The following LAMA1 variants were observed in gnomAD, a reference collection of about 807,000 sequenced individuals.
LAMA1 encodes laminin subunit alpha 1.
In LAMA1, 219 loss-of-function variants were observed where a neutral mutation model predicts 348.7. That is an observed-to-expected ratio of 0.63 (90% CI 0.56 to 0.70). LAMA1 has a LOEUF of 0.70. LAMA1 is among the 30% of genes least tolerant of loss of function. LAMA1 has a pLI of 0.00. For missense variants in LAMA1, 3,744 were observed against 3,888.0 expected, an observed-to-expected ratio of 0.96 and a Z score of 0.99; for synonymous variants, 1,487 against 1,491.0, an observed-to-expected ratio of 1.00 and a Z score of 0.06.
rs753394467 is a variant in LAMA1, at chr18:7,012,002, C to A, written c.3500G>T (p.Arg1167Met). The part of the protein sequence containing the change: ...HLCSELEDYV[R>M]TPVTLGSDQP... The stretch of plus-strand genomic sequence containing the variant: ...TCGCTGTGTGTGACTTACTGGGGTC[C>A]TCACGTAGTCCTCCAGCTCTGAGCA... Residue 1167 changes from arginine to methionine, a missense_variant, in exon 24 of 63, where the codon AGG (arginine) becomes ATG (methionine). This residue lies in a region of LAMA1 where 1,529 missense variants were observed against 1,689.4 expected (regional missense o/e 0.91). Transcript: ENST00000389658. 1.2e-6 allele frequency: 2 copies of A among 1,605,414 alleles called. No homozygotes were observed. The highest frequency in any genetic ancestry group is 1.7e-6 in the Non-Finnish European group (2 of 1,175,392).
intron 1 of LAMA1, among the ~76,000 whole-genome samples, chr18:7,107,118 C>T (rs2058315006): frequency 8.9e-6 from 1 of 112,456 alleles, no homozygotes; most frequent in South Asian, 3.2e-4. Flanking sequence ...ATGGAGAAAA[C>T]TCCTTTTTTT....
intron 3 of LAMA1, among the ~76,000 whole-genome samples, chr18:7,061,197 A>G (rs1040503597): frequency 4.6e-5 from 7 of 152,180 alleles, no homozygotes; most frequent in Non-Finnish European, 1.0e-4. Flanking sequence ...TTATCTAAGA[A>G]ACAGAACAGA....
At chr18:6,969,807 A>C (rs1392530848) in intron 48 of LAMA1, among the ~76,000 whole-genome samples, 1 of 152,154 alleles carries the variant, frequency 6.6e-6, no homozygotes, top group Non-Finnish European at 1.5e-5. Context: ...AGGGGAACAA[A>C]ACATGTGACC....
chr18:6,990,004 T>C (rs540514580), intron 36 of LAMA1, among the ~76,000 whole-genome samples: 141 of 152,356 alleles, frequency 9.3e-4, no homozygotes, highest in Middle Eastern at 3.4e-3. Flanking sequence ...TCAATTTTGC[T>C]AGAAGAAGCT....
intron 36 of LAMA1, among the ~76,000 whole-genome samples, chr18:6,987,691 C>T (rs1424690009): frequency 6.6e-6 from 1 of 152,156 alleles, no homozygotes; most frequent in Non-Finnish European, 1.5e-5. Context: ...TCAGCTTTCA[C>T]AGGTGTCAGG....
intron 19 of LAMA1, among the ~76,000 whole-genome samples, chr18:7,020,286 G>C (rs1032560215): frequency 6.6e-6 from 1 of 152,112 alleles, no homozygotes; most frequent in Non-Finnish European, 1.5e-5. Context: ...TGAACCTGAC[G>C]ATCAGTTTCT....
chr18:7,028,348 G>C (rs2144152657), intron 16 of LAMA1, among the ~76,000 whole-genome samples: 1 of 152,314 alleles, frequency 6.6e-6, no homozygotes, highest in Admixed American at 6.5e-5. Context: ...CACAGTCAAA[G>C]TGTTCAAACC....
At position 7,011,359 on chromosome 18, in the gene LAMA1, G is replaced by A. The variant is rs1340086760; in HGVS notation, c.3628C>T (p.Gln1210Ter). ...TAAAACGGCTCTGCACGGATGTGCT[G>A]CCGGACGGTGGCGGCATCCAGCAGG... ...DFLLDAATVR[Q>*]HIRAEPFYWR... Residue 1210 changes from glutamine (Q) to a stop codon, truncating the protein, a stop_gained, in exon 25 of 63, where the codon CAG becomes TAG. Transcript: ENST00000389658. LOFTEE classifies it high-confidence loss of function. 6.2e-7 allele frequency: 1 copy of A among 1,612,242 alleles called. No individual in the cohort carries two copies. The highest frequency in any genetic ancestry group is 1.7e-5 in the Admixed American group (1 of 59,868).
chr18:7,022,322 G>A (rs1429755800), intron 19 of LAMA1, among the ~76,000 whole-genome samples: 2 of 152,182 alleles, frequency 1.3e-5, no homozygotes, highest in Non-Finnish European at 2.9e-5. Flanking sequence ...TCTACAAATC[G>A]TGAAGCCTTG....
Position 7,036,088 on chromosome 18 carries a change from G to C in LAMA1, c.1738C>G (p.Leu580Val), listed in dbSNP as rs768857766. ...AAPEAYLGNK[L>V]TAFGGFLKYT... ...TTCAGGAATCCGCCAAACGCAGTCA[G>C]CTGAAATGTTTAAGCGAGAATGAAC... The change falls in exon 13 of 63, where the codon CTG becomes GTG. Residue 580 changes from leucine (L) to valine (V), a missense_variant and splice_region_variant. By Grantham distance (32) the Leu-to-Val change is conservative (BLOSUM62 1). This residue lies in a region of LAMA1 where 1,529 missense variants were observed against 1,689.4 expected (regional missense o/e 0.91). Transcript: ENST00000389658. 1 of 1,610,638 alleles carries C rather than the reference G, an allele frequency of 6.2e-7. No individual in the cohort carries two copies. The highest frequency in any genetic ancestry group is 2.2e-5 in the East Asian group (1 of 44,872).
chr18:6,949,102 T>A lies in LAMA1; in HGVS notation c.8555A>T (p.Asn2852Ile). ...GTCAGTATGGAAAATGCTGCTTACA[T>A]TTCCAATTTTCCTGGCCTGGTACTG... ...PSQYQARKIGNITHSIPACIG... is the reference protein window; with the variant it reads ...PSQYQARKIGIITHSIPACIG... Residue 2852 changes from asparagine to isoleucine, a missense_variant and splice_region_variant, in exon 59 of 63, where the codon AAT (asparagine) becomes ATT (isoleucine). Physicochemically the swap from Asn to Ile is moderately radical, Grantham distance 149 (BLOSUM62 -3). Transcript: ENST00000389658. The A allele has an allele frequency of 6.2e-7, 1 of 1,614,162 alleles. No homozygotes were observed. The highest frequency in any genetic ancestry group is 1.1e-5 in the South Asian group (1 of 91,084).
intron 18 of LAMA1, 57 bp downstream of exon 18, chr18:7,024,323 C>A: frequency 7.5e-7 from 1 of 1,341,872 alleles, no homozygotes; most frequent in Non-Finnish European, 1.1e-6. Context: ...TAAAAATAAA[C>A]ACATAGAATT....
chr18:6,960,881 C>T (rs1475543949), intron 53 of LAMA1, among the ~76,000 whole-genome samples: 1 of 150,054 alleles, frequency 6.7e-6, no homozygotes, highest in Admixed American at 6.6e-5. Context: ...AGCAGCATTC[C>T]CCTTGCAGCA....
chr18:7,007,414 T>A, intron 28 of LAMA1, 138 bp from the exon 29 acceptor site: 3 of 792,224 alleles, frequency 3.8e-6, no homozygotes, highest in Non-Finnish European at 3.9e-6. Flanking sequence ...ATCAGAGAAA[T>A]GCAAATGAAA....
intron 1 of LAMA1, among the ~76,000 whole-genome samples, chr18:7,093,899 G>A (rs368583644): frequency 1.1e-4 from 17 of 151,392 alleles, no homozygotes; most frequent in South Asian, 6.3e-4. Flanking sequence ...TTCAGCCTCC[G>A]GGAGTAGCTG....
At chr18:6,986,689 A>G (rs2057737149) in intron 36 of LAMA1, among the ~76,000 whole-genome samples, 6 of 151,948 alleles carry the variant, frequency 3.9e-5, no homozygotes, top group Admixed American at 3.9e-4. Flanking sequence ...GTGATCTTTC[A>G]TCTCATGTGT....
chr18:7,009,352 A>G lies in LAMA1; in HGVS notation c.3888T>C (p.Tyr1296=), dbSNP rs528584765. The G allele has an allele frequency of 1.2e-6, 2 of 1,614,172 alleles. No homozygotes were observed. Among genetic ancestry groups the G allele is most frequent in the East Asian group, 4.5e-5 (2 of 44,866 alleles). Reference sequence around the variant, plus strand: ...CAGGTTTTTCAGAAACAGAGTTAAAATATTTCCAAAAATTCTGTAGAATGA... The same window carrying G: ...CAGGTTTTTCAGAAACAGAGTTAAAGTATTTCCAAAAATTCTGTAGAATGA... The part of the protein sequence containing the change: ...EVAMRENFWK[Y]FNSVSEKPVT... The change falls in exon 27 of 63, where the codon TAT becomes TAC. Residue 1296 remains tyrosine (Y), a synonymous_variant. Transcript: ENST00000389658.
intron 9 of LAMA1, 42 bp from the exon 10 acceptor site, chr18:7,040,278 AG>A (rs770505497): frequency 5.9e-5 from 95 of 1,607,750 alleles, no homozygotes; most frequent in Non-Finnish European, 7.1e-5. Context: ...TGAAGGCAAA[AG>A]AGGTTTAAAG....
Position 7,038,897 on chromosome 18 carries a change from C to T in LAMA1, c.1476G>A (p.Leu492=). ...AGCAGCCCCGGGGGTTTTTTTCCTT[C>T]AAGTTATAGAATCCTGGCTTGCAGC... ...CDRCKPGFYN[L]KEKNPRGCSE... Residue 492 remains leucine, a synonymous_variant, in exon 11 of 63, where the codon TTG becomes TTA. Transcript: ENST00000389658. The T allele has an allele frequency of 6.2e-7, 1 of 1,614,058 alleles. No individual in the cohort carries two copies. The highest frequency in any genetic ancestry group is 8.5e-7 in the Non-Finnish European group (1 of 1,179,930).
Sources: gnomAD v4.1 joint callset for allele counts (sites outside exome capture counted in the v4.1 genomes callset) on GRCh38, gnomAD v4.1.1 for gene constraint, gnomAD v4.1.1 regional missense constraint, MANE v1.5 for transcripts, NCBI Gene and HGNC (gene_info 2026-07-23, HGNC 2026-07-21) for gene names.